The following ZNF385D variants were observed in gnomAD, a reference collection of about 807,000 sequenced individuals.
ZNF385D encodes zinc finger protein 659.
In ZNF385D, 15 loss-of-function variants were observed where a neutral mutation model predicts 35.8. The ratio of observed to expected loss-of-function variants is 0.42; its 90% CI spans 0.28 to 0.64. The LOEUF is 0.64. Ranked by LOEUF, ZNF385D falls within the 30% of genes least tolerant of loss-of-function variation. The probability of loss-of-function intolerance (pLI) is 0.23; values close to 1 mark genes in which losing one functional copy is unlikely to be tolerated. For synonymous variants in ZNF385D, 212 were observed against 186.8 expected, an observed-to-expected ratio of 1.13 and a Z score of -1.10; for missense variants, 474 against 494.6, an observed-to-expected ratio of 0.96 and a Z score of 0.39.
At chr3:22,184,234 T>C (rs1324621315) in intron 2 of ZNF385D, among the ~76,000 whole-genome samples, 1 of 152,154 alleles carries the variant, frequency 6.6e-6, no homozygotes, top group Non-Finnish European at 1.5e-5. Context: ...TCCCTTCCAA[T>C]GCAATAAATC....
intron 2 of ZNF385D, among the ~76,000 whole-genome samples, chr3:21,662,864 G>A (rs2066280744): frequency 6.6e-6 from 1 of 152,224 alleles, no homozygotes. Flanking sequence ...AGCTGCTTAT[G>A]AGCATGCTGC....
At chr3:22,256,966 C>T (rs1384560459) in intron 2 of ZNF385D, among the ~76,000 whole-genome samples, 1 of 151,620 alleles carries the variant, frequency 6.6e-6, no homozygotes, top group East Asian at 1.9e-4. Flanking sequence ...AGACTTAGAT[C>T]AAAAGTTATC....
At chr3:21,612,435 TA>T (rs2064711234) in intron 2 of ZNF385D, among the ~76,000 whole-genome samples, 1 of 151,994 alleles carries the variant, frequency 6.6e-6, no homozygotes, top group South Asian at 2.1e-4. Flanking sequence ...ATAAAGAAAC[TA>T]AAAATCAGGG....
chr3:21,935,455 A>G (rs1000624908), intron 3 of ZNF385D, among the ~76,000 whole-genome samples: 33 of 152,272 alleles, frequency 2.2e-4, no homozygotes, highest in African/African-American at 7.7e-4. Context: ...ATTCACTGAG[A>G]ACACAAACTG....
At chr3:22,326,670 G>C (rs941488847) in intron 2 of ZNF385D, among the ~76,000 whole-genome samples, 3 of 152,018 alleles carry the variant, frequency 2.0e-5, no homozygotes, top group African/African-American at 7.3e-5. Context: ...ATGGATTTGG[G>C]TTTTAAAAAT....
At chr3:21,765,642 AC>A (rs1284088923) in intron 3 of ZNF385D, among the ~76,000 whole-genome samples, 1 of 122,408 alleles carries the variant, frequency 8.2e-6, no homozygotes, top group East Asian at 2.7e-4. Context: ...AGCAACAACA[AC>A]AAAAAAAAAA....
intron 2 of ZNF385D, among the ~76,000 whole-genome samples, chr3:21,621,696 A>G (rs1465744260): frequency 6.6e-6 from 1 of 151,962 alleles, no homozygotes; most frequent in Non-Finnish European, 1.5e-5. Context: ...GTGAGCTGTA[A>G]AACAGGAAAG....
intron 2 of ZNF385D, among the ~76,000 whole-genome samples, chr3:22,185,415 C>G (rs897425311): frequency 6.6e-6 from 1 of 152,174 alleles, no homozygotes; most frequent in Non-Finnish European, 1.5e-5. Context: ...GTGGCAATCT[C>G]TTTTTCCTAA....
intron 2 of ZNF385D, among the ~76,000 whole-genome samples, chr3:21,574,888 C>T (rs553532986): frequency 6.6e-6 from 1 of 151,724 alleles, no homozygotes; most frequent in African/African-American, 2.4e-5. Flanking sequence ...AACTAGAATG[C>T]AAGGAAGGGC....
rs1235071749 is a variant in ZNF385D at position 21,413,161 on chromosome 3, A to G, written c.*8053T>C. ...ACTATCATAATATAAAACACAATAAAATCCTATCTCACGTTTCCAAGCCCA... is the reference window on the plus strand; with the variant it reads ...ACTATCATAATATAAAACACAATAAGATCCTATCTCACGTTTCCAAGCCCA... On this transcript the variant is annotated 3_prime_UTR_variant, in exon 8 of 8. Transcript: ENST00000281523. 6.6e-6 allele frequency: 1 copy of G among 152,074 alleles called. No homozygotes were observed. Among genetic ancestry groups the G allele is most frequent in the Non-Finnish European group, 1.5e-5 (1 of 67,988 alleles). The allele number at this position is 152,074 out of a possible 1,614,324, so 9.4% of individuals were successfully genotyped here.
intron 3 of ZNF385D, among the ~76,000 whole-genome samples, chr3:21,899,598 T>C (rs1362887443): frequency 6.6e-6 from 1 of 152,116 alleles, no homozygotes; most frequent in Non-Finnish European, 1.5e-5. Flanking sequence ...CAGGAGACTG[T>C]GAATAAACAT....
At chr3:22,260,012 A>C (rs1460953956) in intron 2 of ZNF385D, among the ~76,000 whole-genome samples, 7 of 152,038 alleles carry the variant, frequency 4.6e-5, no homozygotes, top group Non-Finnish European at 1.0e-4. Context: ...GGGAAACTGA[A>C]TGTGTGAGCA....
chr3:21,943,293 T>G (rs1445806034), intron 3 of ZNF385D, among the ~76,000 whole-genome samples: 1 of 151,398 alleles, frequency 6.6e-6, no homozygotes, highest in Non-Finnish European at 1.5e-5. Flanking sequence ...TGTGTGTGTA[T>G]AGATGTGTGT....
chr3:21,941,069 G>C (rs1042337411), intron 3 of ZNF385D, among the ~76,000 whole-genome samples: 1 of 152,112 alleles, frequency 6.6e-6, no homozygotes, highest in African/African-American at 2.4e-5. Context: ...TCCAGCCAAT[G>C]AAAAAAGATG....
chr3:21,499,392 A>ACTGC (rs1434862269), intron 4 of ZNF385D, among the ~76,000 whole-genome samples: 1 of 152,166 alleles, frequency 6.6e-6, no homozygotes, highest in Non-Finnish European at 1.5e-5. Context: ...AAAACCAAAT[A>ACTGC]CTGAATATTT....
chr3:22,256,878 G>A (rs1388128654), intron 2 of ZNF385D, among the ~76,000 whole-genome samples: 3 of 151,836 alleles, frequency 2.0e-5, no homozygotes, highest in Non-Finnish European at 4.4e-5. Context: ...ACAAGTAAAT[G>A]TATGATGTCA....
At chr3:22,256,166 T>TATATACATATACATATAC (rs139281179) in intron 2 of ZNF385D, among the ~76,000 whole-genome samples, 1 of 151,092 alleles carries the variant, frequency 6.6e-6, no homozygotes, top group African/African-American at 2.4e-5. Context: ...CGTCAGCATA[T>TATATACATATACATATAC]ATATACATAT....
At chr3:21,512,245 G>T (rs1260193379) in intron 3 of ZNF385D, among the ~76,000 whole-genome samples, 1 of 151,540 alleles carries the variant, frequency 6.6e-6, no homozygotes, top group African/African-American at 2.4e-5. Context: ...AAATACTGTA[G>T]TTGGTGGGTA....
chr3:22,203,287 G>A (rs1179211472), intron 2 of ZNF385D, among the ~76,000 whole-genome samples: 1 of 152,004 alleles, frequency 6.6e-6, no homozygotes, highest in African/African-American at 2.4e-5. Context: ...AAACACACTG[G>A]GACAGAAGGG....
Sources: allele counts gnomAD v4.1 joint callset (sites outside exome capture counted in the v4.1 genomes callset), GRCh38; gene constraint gnomAD v4.1.1; transcripts MANE v1.5; gene names NCBI Gene and HGNC (gene_info 2026-07-23, HGNC 2026-07-21).